FGFR2: variants seen among roughly 807,000 people sequenced by gnomAD.
FGFR2 encodes the protein fibroblast growth factor receptor 2.
FGFR2 carries 19 observed loss-of-function variants against 95.9 expected under a neutral mutation model. The ratio of observed to expected loss-of-function variants is 0.20; its 90% CI spans 0.14 to 0.29. The LOEUF (loss-of-function observed/expected upper bound fraction) is 0.29. Ranked by LOEUF, FGFR2 falls within the 10% of genes least tolerant of loss-of-function variation. FGFR2 has a pLI of 1.00. For synonymous variants in FGFR2, 392 were observed against 393.3 expected (o/e 1.00, Z 0.04); for missense variants, 707 against 1,056.9 (o/e 0.67, Z 4.59).
At position 121,500,060 on chromosome 10, in the gene FGFR2, A is replaced by G. The variant is rs376844770; in HGVS notation, c.1561+766T>C. Among the ~76,000 whole-genome samples the G allele has an allele frequency of 1.6e-3, 250 of 152,268 alleles. 1 individual carries two copies. The highest frequency in any genetic ancestry group is 5.2e-3 in the African/African-American group (218 of 41,548). On this transcript the variant is annotated intron_variant, in intron 11 of 17. Transcript: ENST00000358487. Reference sequence around the variant, plus strand: ...CCTGGAAACGTGGGAAACACTCGGCATGGGATCTTCTTTCCGAGATCCCTA... The same window carrying G: ...CCTGGAAACGTGGGAAACACTCGGCGTGGGATCTTCTTTCCGAGATCCCTA...
intron 2 of FGFR2, among the ~76,000 whole-genome samples, chr10:121,567,085 C>T (rs936363945): frequency 1.2e-4 from 18 of 152,136 alleles, no homozygotes; most frequent in African/African-American, 4.3e-4. Context: ...AGCACCAAAT[C>T]AGGGCAGGAT....
chr10:121,514,598 G>T (rs2134210975), intron 9 of FGFR2, among the ~76,000 whole-genome samples: 1 of 152,304 alleles, frequency 6.6e-6, no homozygotes, highest in East Asian at 1.9e-4. Flanking sequence ...ATTCTGTGTA[G>T]AAAGTTATTG....
Position 121,493,530 on chromosome 10 carries a change from G to C in FGFR2, c.1863+3002C>G, listed in dbSNP as rs188293483. On this transcript the variant is annotated intron_variant, in intron 13 of 17. Coordinates refer to ENST00000358487, the MANE Select transcript of FGFR2 (RefSeq NM_000141.5). ...CTCCCATGTGGGGCCTCTGTGCTCC[G>C]TGTCCTGATTTTCCTACTGCTCAGG... Among the ~76,000 whole-genome samples, 304 of 152,248 alleles carry C rather than the reference G, an allele frequency of 2.0e-3. 1 individual carries two copies. Among genetic ancestry groups the C allele is most frequent in the African/African-American group, 7.0e-3 (289 of 41,560 alleles).
rs768008676 is a variant in FGFR2, at chr10:121,518,770, C to T, written c.939+1209G>A. On this transcript the variant is annotated intron_variant, in intron 7 of 17. Coordinates refer to ENST00000358487, the MANE Select transcript of FGFR2 (RefSeq NM_000141.5). This position sits in a 1 kb window ranked among gnomAD's most constrained non-coding sequence, Gnocchi z 4.0. ...CCTTACATATATATTCCCCAGCATC[C>T]GCCTCGGTCACATTGAACAGAGCCA... The T allele has an allele frequency of 1.1e-5, 17 of 1,614,036 alleles. No individual in the cohort carries two copies. Among genetic ancestry groups the T allele is most frequent in the South Asian group, 3.3e-5 (3 of 91,078 alleles).
rs766048097 is a variant in FGFR2 at position 121,485,699 on chromosome 10, G to A, written c.2058-167C>T. ...TTTCCTGCCCTGCAAGAGCATCCCCGAATGATGATGACACGGGGATGTGCT... is the reference window on the plus strand; with the variant it reads ...TTTCCTGCCCTGCAAGAGCATCCCCAAATGATGATGACACGGGGATGTGCT... On this transcript the variant is annotated intron_variant, in intron 15 of 17. Transcript: ENST00000358487. This position sits in a 1 kb window ranked among gnomAD's most constrained non-coding sequence, Gnocchi z 4.2. 3.9e-5 allele frequency among the ~76,000 whole-genome samples: 6 copies of A among 152,254 alleles called. No homozygotes were observed. The highest frequency in any genetic ancestry group is 1.9e-4 in the East Asian group (1 of 5,180).
intron 5 of FGFR2, among the ~76,000 whole-genome samples, chr10:121,540,008 G>A (rs1301074956): frequency 6.6e-5 from 10 of 152,204 alleles, no homozygotes; most frequent in Non-Finnish European, 1.3e-4. Flanking sequence ...TTCTATGCAA[G>A]CCATGACTGC....
intron 6 of FGFR2, among the ~76,000 whole-genome samples, chr10:121,532,319 G>A (rs990849872): frequency 5.3e-5 from 8 of 152,098 alleles, no homozygotes; most frequent in Non-Finnish European, 1.2e-4. Flanking sequence ...TGGACGTGCA[G>A]AATCATGTCA....
chr10:121,580,095 A>G (rs545707540), intron 2 of FGFR2, among the ~76,000 whole-genome samples: 1 of 152,350 alleles, frequency 6.6e-6, no homozygotes, highest in African/African-American at 2.4e-5. Context: ...CCAAGCCCAT[A>G]GAGCAGGCCC....
intron 9 of FGFR2, among the ~76,000 whole-genome samples, chr10:121,510,665 C>T (rs1031022217): frequency 1.3e-5 from 2 of 152,084 alleles, no homozygotes; most frequent in Non-Finnish European, 2.9e-5. Context: ...ATTCCTCCCC[C>T]GAGGCACCCG....
rs1847194827 is a variant in FGFR2, at chr10:121,498,620, C to T, written c.1562-15G>A. 2 of 1,609,378 alleles carry T rather than the reference C, an allele frequency of 1.2e-6. No individual in the cohort carries two copies. Among genetic ancestry groups the T allele is most frequent in the Non-Finnish European group, 8.5e-7 (1 of 1,175,806 alleles). Reference sequence around the variant, plus strand: ...TGTGGCATCATCTATGAACAGTAGGCATATTCACAAATCAGTTCATTTCCT... The same window carrying T: ...TGTGGCATCATCTATGAACAGTAGGTATATTCACAAATCAGTTCATTTCCT... On this transcript the variant is annotated splice_polypyrimidine_tract_variant and intron_variant, in intron 11 of 17. Coordinates refer to ENST00000358487, the MANE Select transcript of FGFR2 (RefSeq NM_000141.5).
intron 1 of FGFR2, among the ~76,000 whole-genome samples, chr10:121,596,057 C>A (rs936903733): frequency 1.3e-5 from 2 of 152,266 alleles, no homozygotes; most frequent in African/African-American, 4.8e-5. Flanking sequence ...ACAGGCCCAG[C>A]ATGCCGCTGG....
chr10:121,518,773 C>G lies in FGFR2; in HGVS notation c.939+1206G>C, dbSNP rs1850059224. ...TACATATATATTCCCCAGCATCCGC[C>G]TCGGTCACATTGAACAGAGCCAGCA... On this transcript the variant is annotated intron_variant, in intron 7 of 17. Coordinates refer to ENST00000358487, the MANE Select transcript of FGFR2 (RefSeq NM_000141.5). The surrounding 1 kb of genome is among the most constrained non-coding windows in gnomAD (Gnocchi z 4.0). 6.2e-7 allele frequency: 1 copy of G among 1,614,066 alleles called. No homozygotes were observed. The highest frequency in any genetic ancestry group is 8.5e-7 in the Non-Finnish European group (1 of 1,180,028).
chr10:121,546,386 CAGG>C (rs1374507476), intron 5 of FGFR2, among the ~76,000 whole-genome samples: 2 of 152,050 alleles, frequency 1.3e-5, no homozygotes, highest in East Asian at 3.9e-4. Flanking sequence ...CGCAAAAGCC[CAGG>C]AATAAGTATG....
intron 1 of FGFR2, among the ~76,000 whole-genome samples, chr10:121,596,014 G>A (rs1863382813): frequency 6.6e-6 from 1 of 152,232 alleles, no homozygotes. Flanking sequence ...TCCTAGGCAG[G>A]ATAATTAGGT....
intron 2 of FGFR2, among the ~76,000 whole-genome samples, chr10:121,578,817 A>C: frequency 6.6e-6 from 1 of 152,202 alleles, no homozygotes; most frequent in East Asian, 1.9e-4. Context: ...GGCTGAGGCA[A>C]GAGAATCACT....
chr10:121,539,559 T>C (rs1231586471), intron 5 of FGFR2, among the ~76,000 whole-genome samples: 2 of 152,224 alleles, frequency 1.3e-5, no homozygotes, highest in African/African-American at 4.8e-5. Flanking sequence ...GCGAGAGTTT[T>C]CCTTACCACA....
intron 2 of FGFR2, 195 bp from the exon 3 acceptor site, chr10:121,565,899 C>T: frequency 1.6e-6 from 1 of 642,774 alleles, no homozygotes; most frequent in South Asian, 1.9e-5. Flanking sequence ...CCAGAGGATA[C>T]CCCCAGAAAA....
rs1852060329 is a variant in FGFR2 at position 121,531,383 on chromosome 10, T to A, written c.748+7209A>T. On this transcript the variant is annotated intron_variant, in intron 6 of 17. Coordinates refer to ENST00000358487, the MANE Select transcript of FGFR2 (RefSeq NM_000141.5). This position sits in a 1 kb window ranked among gnomAD's most constrained non-coding sequence, Gnocchi z 4.5. The stretch of plus-strand genomic sequence containing the variant: ...CAGCCTTTGCCCCCCGGGATCCCTG[T>A]TGTGAAACAGGAATGAAAAGCTGCT... 6.6e-6 allele frequency: 1 copy of A among 152,168 alleles called. No individual in the cohort carries two copies. The highest frequency in any genetic ancestry group is 1.5e-5 in the Non-Finnish European group (1 of 68,042). 9.4% of individuals were successfully genotyped at this position (152,168 alleles called of 1,614,324 possible).
At chr10:121,501,787 T>A (rs1256645779) in intron 10 of FGFR2, among the ~76,000 whole-genome samples, 1 of 152,232 alleles carries the variant, frequency 6.6e-6, no homozygotes, top group East Asian at 1.9e-4. Flanking sequence ...GGGCAGCATG[T>A]GCTATGCTGA....
Sources: gnomAD v4.1 joint callset for allele counts (sites outside exome capture counted in the v4.1 genomes callset) on GRCh38, gnomAD v4.1.1 for gene constraint, Gnocchi (gnomAD v3.1) non-coding constraint, MANE v1.5 for transcripts, NCBI Gene and HGNC (gene_info 2026-07-23, HGNC 2026-07-21) for gene names.